The following BMPR2 variants were observed in gnomAD, a reference collection of about 807,000 sequenced individuals.
BMPR2 encodes the protein bone morphogenetic protein receptor type 2, also known as bone morphogenetic protein receptor type-2.
A neutral mutation model predicts 100.8 loss-of-function variants in BMPR2; 29 were observed. The ratio of observed to expected loss-of-function variants is 0.29; its 90% CI spans 0.21 to 0.39. The LOEUF is 0.39. BMPR2 is among the 10% of genes least tolerant of loss of function. The pLI, the probability that BMPR2 is intolerant of heterozygous loss-of-function variation, is 1.00. For synonymous variants in BMPR2, 382 were observed against 442.3 expected (o/e 0.86, Z 1.71); for missense variants, 1,011 against 1,274.5 (o/e 0.79, Z 3.15).
At chr2:202,423,664 G>A (rs1167987766) in intron 1 of BMPR2, among the ~76,000 whole-genome samples, 2 of 152,130 alleles carry the variant, frequency 1.3e-5, no homozygotes, top group African/African-American at 2.4e-5. Context: ...CTGAGGCAGG[G>A]GTATCGTTTC....
intron 1 of BMPR2, among the ~76,000 whole-genome samples, chr2:202,445,502 C>T (rs1691831893): frequency 1.3e-5 from 2 of 150,434 alleles, no homozygotes; most frequent in Non-Finnish European, 2.9e-5. Flanking sequence ...GCTGGGATTA[C>T]AGGGGTGAGC....
chr2:202,539,596 A>G (rs1253313704), intron 9 of BMPR2, among the ~76,000 whole-genome samples: 2 of 152,128 alleles, frequency 1.3e-5, no homozygotes, highest in East Asian at 1.9e-4. Flanking sequence ...TGGAAACACT[A>G]TGTAATGAAG....
At chr2:202,428,082 G>T (rs945934979) in intron 1 of BMPR2, among the ~76,000 whole-genome samples, 12 of 152,058 alleles carry the variant, frequency 7.9e-5, no homozygotes, top group Non-Finnish European at 1.8e-4. Flanking sequence ...TTCCCCTAGG[G>T]GTAACTGCAA....
At chr2:202,388,418 A>AAAC (rs963113776) in intron 1 of BMPR2, among the ~76,000 whole-genome samples, 1 of 150,468 alleles carries the variant, frequency 6.6e-6, no homozygotes, top group Non-Finnish European at 1.5e-5. Context: ...AAAAAAAAAA[A>AAAC]AACATTGTTT....
rs529908378 is a variant in BMPR2 at position 202,412,371 on chromosome 2, T to C, written c.76+34821T>C. 5.3e-5 allele frequency among the ~76,000 whole-genome samples: 8 copies of C among 152,254 alleles called. No individual in the cohort carries two copies. The East Asian group carries it at 1.5e-3, about 29-fold the overall frequency. On this transcript the variant is annotated intron_variant, in intron 1 of 12. Coordinates refer to ENST00000374580, the MANE Select transcript of BMPR2 (RefSeq NM_001204.7). ...TCTCACTCTGTCGCCCAGGCTGGAG[T>C]GCAGTGGCGCAATCTCGGCTCACTG...
At chr2:202,537,011 CTCAGCCTCCTGA>C (rs1294137407) in intron 9 of BMPR2, among the ~76,000 whole-genome samples, 26 of 152,168 alleles carry the variant, frequency 1.7e-4, no homozygotes, top group Non-Finnish European at 3.8e-4. Flanking sequence ...AGTCCTCCTG[CTCAGCCTCCTGA>C]GTAGCTAGGA....
Position 202,485,545 on chromosome 2 carries a change from C to CTTTTTT in BMPR2, c.418+17870_418+17875dup, listed in dbSNP as rs762096820. 5.3e-3 allele frequency among the ~76,000 whole-genome samples: 338 copies of CTTTTTT among 63,990 alleles called. 65 individuals carry two copies. Among genetic ancestry groups the CTTTTTT allele is most frequent in the Admixed American group, 8.4e-3 (27 of 3,232 alleles). 42.0% of individuals were successfully genotyped at this position (63,990 alleles called of 152,430 possible). On this transcript the variant is annotated intron_variant, in intron 3 of 12. Transcript: ENST00000374580. ...GTCTCAAATCTCCCTTTGCCTTTAT[C>CTTTTTT]TTTTTTTTTTTTTTTTTTTGAGACA...
intron 1 of BMPR2, among the ~76,000 whole-genome samples, chr2:202,415,895 G>A (rs562275237): frequency 4.9e-4 from 75 of 152,338 alleles, no homozygotes; most frequent in African/African-American, 1.5e-3. Flanking sequence ...GCAGCCTATG[G>A]ATCCAGGAGT....
At chr2:202,404,352 C>T (rs1008535686) in intron 1 of BMPR2, among the ~76,000 whole-genome samples, 1 of 151,824 alleles carries the variant, frequency 6.6e-6, no homozygotes, top group African/African-American at 2.4e-5. Context: ...CCACTGCACC[C>T]GGCTAATTTT....
chr2:202,507,915 G>C (rs572071612), intron 3 of BMPR2, among the ~76,000 whole-genome samples: 1 of 151,192 alleles, frequency 6.6e-6, no homozygotes, highest in East Asian at 2.0e-4. Context: ...GGCTAGGCTG[G>C]TCTCGAGCTC....
chr2:202,448,470 T>TAAA (rs563534612), intron 1 of BMPR2, among the ~76,000 whole-genome samples: 12 of 137,114 alleles, frequency 8.8e-5, no homozygotes, highest in South Asian at 2.4e-4. Flanking sequence ...AAATAAAAAA[T>TAAA]AAAAAAAAAA....
chr2:202,547,611 C>T (rs567299002), intron 10 of BMPR2, among the ~76,000 whole-genome samples: 131 of 130,796 alleles, frequency 1.0e-3, no homozygotes, highest in East Asian at 1.6e-3. Flanking sequence ...GGTGAAACCC[C>T]ATCTCTACTA....
intron 1 of BMPR2, among the ~76,000 whole-genome samples, chr2:202,417,736 TG>T (rs1691165215): frequency 6.6e-6 from 1 of 151,852 alleles, no homozygotes; most frequent in African/African-American, 2.4e-5. Context: ...TTTTCTTTTT[TG>T]AGACAGCGTC....
intron 1 of BMPR2, among the ~76,000 whole-genome samples, chr2:202,387,248 A>G (rs1180199204): frequency 6.6e-6 from 1 of 152,210 alleles, no homozygotes; most frequent in Non-Finnish European, 1.5e-5. Flanking sequence ...AGTGGCTACA[A>G]TTAGTTAATC....
intron 1 of BMPR2, among the ~76,000 whole-genome samples, chr2:202,446,355 GC>G (rs1026547834): frequency 6.7e-6 from 1 of 149,948 alleles, no homozygotes; most frequent in African/African-American, 2.5e-5. Flanking sequence ...CCAAGATTGC[GC>G]CATTGCACTC....
At chr2:202,415,942 T>C (rs1691117842) in intron 1 of BMPR2, among the ~76,000 whole-genome samples, 1 of 152,212 alleles carries the variant, frequency 6.6e-6, no homozygotes. Context: ...GAAATAATAT[T>C]TCATAGGCTA....
At chr2:202,415,014 G>T (rs1450512813) in intron 1 of BMPR2, among the ~76,000 whole-genome samples, 1 of 152,026 alleles carries the variant, frequency 6.6e-6, no homozygotes, top group Non-Finnish European at 1.5e-5. Context: ...TTACAGGTGT[G>T]AGCCACCGTG....
At chr2:202,515,323 G>C (rs1409114025) in intron 5 of BMPR2, among the ~76,000 whole-genome samples, 3 of 151,808 alleles carry the variant, frequency 2.0e-5, no homozygotes, top group Non-Finnish European at 4.4e-5. Flanking sequence ...TGTAATCCCA[G>C]TACTTTGGGA....
chr2:202,473,795 T>TA (rs1553504117), intron 3 of BMPR2, among the ~76,000 whole-genome samples: 33 of 124,244 alleles, frequency 2.7e-4, no homozygotes, highest in African/African-American at 9.8e-4. Flanking sequence ...TGTCTCAAAA[T>TA]AAATAAAATA....
Sources: allele counts gnomAD v4.1 joint callset (sites outside exome capture counted in the v4.1 genomes callset), GRCh38; gene constraint gnomAD v4.1.1; transcripts MANE v1.5; gene names NCBI Gene and HGNC (gene_info 2026-07-23, HGNC 2026-07-21).